Variants in DENND1A observed in about 807,000 individuals in gnomAD.
DENND1A encodes the protein DENN domain containing 1A, also known as DENN domain-containing protein 1A.
A neutral mutation model predicts 113.7 loss-of-function variants in DENND1A; 51 were observed. The ratio of observed to expected loss-of-function variants is 0.45; its 90% CI spans 0.36 to 0.57. The LOEUF (loss-of-function observed/expected upper bound fraction) is 0.57. Among genes scored for constraint, DENND1A ranks in the 20% least tolerant of loss-of-function variants. The probability of loss-of-function intolerance (pLI) is 0.00; values close to 1 mark genes in which losing one functional copy is unlikely to be tolerated. For missense variants in DENND1A, 1,258 were observed against 1,395.9 expected, an observed-to-expected ratio of 0.90 and a Z score of 1.57; for synonymous variants, 565 against 570.8, an observed-to-expected ratio of 0.99 and a Z score of 0.14.
intron 19 of DENND1A, among the ~76,000 whole-genome samples, chr9:123,425,207 C>G (rs923306404): frequency 6.6e-6 from 1 of 152,252 alleles, no homozygotes; most frequent in African/African-American, 2.4e-5. Flanking sequence ...GAATTCTAAT[C>G]TGAGAAAATG....
intron 10 of DENND1A, among the ~76,000 whole-genome samples, chr9:123,620,260 A>G (rs1239058961): frequency 1.3e-5 from 2 of 151,164 alleles, no homozygotes; most frequent in South Asian, 4.2e-4. Flanking sequence ...GAAAAAAAGG[A>G]AAAAAGAAAT....
chr9:123,511,731 C>A (rs1244261048), intron 13 of DENND1A, among the ~76,000 whole-genome samples: 5 of 152,230 alleles, frequency 3.3e-5, no homozygotes, highest in Non-Finnish European at 7.3e-5. Flanking sequence ...GTGAGCATTA[C>A]AGAAGGCTTT....
chr9:123,822,291 CTATAAACTTTA>C (rs1324919456), intron 2 of DENND1A, among the ~76,000 whole-genome samples: 5 of 152,138 alleles, frequency 3.3e-5, no homozygotes, highest in Non-Finnish European at 7.4e-5. Context: ...ACTACCATCA[CTATAAACTTTA>C]TATGAGACAG....
chr9:123,660,232 C>T (rs112450405), intron 8 of DENND1A, among the ~76,000 whole-genome samples: 164 of 152,196 alleles, frequency 1.1e-3, no homozygotes, highest in African/African-American at 3.8e-3. Flanking sequence ...GAAGCATGTA[C>T]GGTAGGAGTC....
intron 5 of DENND1A, among the ~76,000 whole-genome samples, chr9:123,677,497 G>C (rs1222406610): frequency 6.6e-6 from 1 of 152,098 alleles, no homozygotes; most frequent in African/African-American, 2.4e-5. Flanking sequence ...GCAGTGGCAT[G>C]ATCTCGGCTC....
chr9:123,640,373 G>T (rs1430914667), intron 9 of DENND1A, among the ~76,000 whole-genome samples: 2 of 152,184 alleles, frequency 1.3e-5, no homozygotes, highest in African/African-American at 2.4e-5. Context: ...GCCAGTCAGG[G>T]GGTAAGGGTG....
At chr9:123,608,679 A>G (rs2060279041) in intron 11 of DENND1A, among the ~76,000 whole-genome samples, 1 of 152,244 alleles carries the variant, frequency 6.6e-6, no homozygotes, top group African/African-American at 2.4e-5. Context: ...TAGGGGTTCT[A>G]TGCTAGGGAA....
chr9:123,871,274 G>A (rs7875442), intron 2 of DENND1A, among the ~76,000 whole-genome samples: 5,631 of 152,162 alleles, frequency 0.037, 106 homozygotes, highest in Middle Eastern at 0.048. Context: ...AGTAAAGACA[G>A]GGTTTCATCA....
intron 13 of DENND1A, among the ~76,000 whole-genome samples, chr9:123,479,706 T>C (rs1302355057): frequency 6.6e-6 from 1 of 152,236 alleles, no homozygotes. Flanking sequence ...TGCCTTTCCC[T>C]GTCTGCCCAC....
intron 13 of DENND1A, among the ~76,000 whole-genome samples, chr9:123,496,910 T>A (rs1311601445): frequency 6.6e-6 from 1 of 152,140 alleles, no homozygotes; most frequent in Non-Finnish European, 1.5e-5. Context: ...TCATTTTGGG[T>A]TGAGGACCAG....
intron 12 of DENND1A, among the ~76,000 whole-genome samples, chr9:123,576,474 T>C (rs1030706172): frequency 7.9e-5 from 12 of 152,186 alleles, no homozygotes; most frequent in Admixed American, 2.6e-4. Context: ...ATTTCTCCAA[T>C]TTTGTATCTG....
At chr9:123,513,241 C>G (rs75143644) in intron 13 of DENND1A, among the ~76,000 whole-genome samples, 3,370 of 152,298 alleles carry the variant, frequency 0.022, 107 homozygotes, top group African/African-American at 0.075. Flanking sequence ...CGAGAATCAG[C>G]CTGGCACACT....
intron 11 of DENND1A, among the ~76,000 whole-genome samples, chr9:123,607,543 AGAGAGTGTGT>A (rs1207659405): frequency 3.2e-4 from 39 of 123,520 alleles, no homozygotes; most frequent in Non-Finnish European, 4.2e-4. Context: ...AGAGAGAGAG[AGAGAGTGTGT>A]GTGTGTGTGT....
rs79164106 is a variant in DENND1A, at chr9:123,510,717, C to T, written c.993+46853G>A. On this transcript the variant is annotated intron_variant, in intron 13 of 23. Coordinates refer to ENST00000394215, the MANE Select transcript of DENND1A (RefSeq NM_001352964.2). ...CCTGCTCACAGTTCAGCCAAAGGTA[C>T]CCACTGCTTCCAAGGATAGGAGATG... Among the ~76,000 whole-genome samples, 976 of 152,314 alleles carry T rather than the reference C, an allele frequency of 6.4e-3. 9 individuals are homozygous for T. The highest frequency in any genetic ancestry group is 0.021 in the African/African-American group (877 of 41,556).
At chr9:123,804,801 C>T (rs1438781623) in intron 2 of DENND1A, among the ~76,000 whole-genome samples, 2 of 152,176 alleles carry the variant, frequency 1.3e-5, no homozygotes, top group Admixed American at 6.5e-5. Context: ...ATTTAAGCCA[C>T]CATCATTTTC....
At position 123,769,579 on chromosome 9, in the gene DENND1A, G is replaced by C. The variant is rs374782532; in HGVS notation, c.133-16C>G. ...GTAGAACTTCCTGTGGAGAGAAAGA[G>C]AGATAATTTATACATCTAATGGGAC... On this transcript the variant is annotated splice_polypyrimidine_tract_variant and intron_variant, in intron 3 of 23. Transcript: ENST00000394215. The C allele has an allele frequency of 1.9e-6, 3 of 1,604,732 alleles. No individual in the cohort carries two copies. The highest frequency in any genetic ancestry group is 2.6e-6 in the Non-Finnish European group (3 of 1,176,198).
intron 1 of DENND1A, among the ~76,000 whole-genome samples, chr9:123,904,030 C>T (rs193290661): frequency 0.081 from 12,352 of 151,768 alleles, 1,051 homozygotes; most frequent in African/African-American, 0.22. Context: ...GATCTGAGAA[C>T]GGGCAGACTG....
At chr9:123,873,846 G>A (rs899201997) in intron 2 of DENND1A, among the ~76,000 whole-genome samples, 3 of 151,798 alleles carry the variant, frequency 2.0e-5, no homozygotes, top group African/African-American at 7.3e-5. Flanking sequence ...AGGTTCAAGC[G>A]ATCCTCCTGC....
chr9:123,505,465 A>C (rs1036779728), intron 13 of DENND1A, among the ~76,000 whole-genome samples: 3 of 152,246 alleles, frequency 2.0e-5, no homozygotes, highest in African/African-American at 7.2e-5. Context: ...GAGTTAACAT[A>C]TCCCTACCAG....
Sources: gnomAD v4.1 joint callset for allele counts (sites outside exome capture counted in the v4.1 genomes callset) on GRCh38, gnomAD v4.1.1 for gene constraint, MANE v1.5 for transcripts, NCBI Gene and HGNC (gene_info 2026-07-23, HGNC 2026-07-21) for gene names.